EPS15: variants seen among roughly 807,000 people sequenced by gnomAD.
EPS15 encodes the protein epidermal growth factor receptor substrate 15.
EPS15 carries 72 observed loss-of-function variants against 113.8 expected under a neutral mutation model. The observed-to-expected ratio is 0.63, with a 90% CI of 0.52 to 0.77. EPS15 has a LOEUF of 0.77. Ranked by LOEUF, EPS15 falls within the 30% of genes least tolerant of loss-of-function variation. The probability of loss-of-function intolerance (pLI) is 0.00; values close to 1 mark genes in which losing one functional copy is unlikely to be tolerated. For missense variants in EPS15, 1,048 were observed against 1,045.8 expected, an observed-to-expected ratio of 1.00 and a Z score of -0.03; for synonymous variants, 344 against 363.4, an observed-to-expected ratio of 0.95 and a Z score of 0.61.
At chr1:51,450,721 T>G (rs923248884) in intron 8 of EPS15, among the ~76,000 whole-genome samples, 8 of 151,760 alleles carry the variant, frequency 5.3e-5, no homozygotes, top group Non-Finnish European at 1.2e-4. Flanking sequence ...CAATCCCACA[T>G]CTGGGAATCT....
chr1:51,434,926 C>T (rs939141502), intron 12 of EPS15, among the ~76,000 whole-genome samples: 38 of 152,098 alleles, frequency 2.5e-4, no homozygotes, highest in African/African-American at 8.5e-4. Context: ...CCCATCTCAG[C>T]CTCCCAAAGT....
rs779958506 is a variant in EPS15, at chr1:51,406,019, G to A, written c.1563C>T (p.Asn521=). 31 of 1,613,968 alleles carry A rather than the reference G, an allele frequency of 1.9e-5. 1 individual carries two copies. The highest frequency in any genetic ancestry group is 1.6e-4 in the Middle Eastern group (1 of 6,080). ...TGAGGCTGCAATAATCTGTAGCTCC[G>A]TTTACAAGAATGCTGTGTGGGCTAC... The part of the protein sequence containing the change: ...WCSSPHSILV[N]GATDYCSLST... Residue 521 remains asparagine, a synonymous_variant, in exon 16 of 25, where the codon AAC becomes AAT. Transcript: ENST00000371733.
intron 13 of EPS15, among the ~76,000 whole-genome samples, chr1:51,412,003 C>T (rs984093416): frequency 6.6e-6 from 1 of 152,154 alleles, no homozygotes; most frequent in African/African-American, 2.4e-5. Flanking sequence ...GTGGCACATA[C>T]ATCCCATGGA....
In EPS15 at chr1:51,355,469, G is replaced by A. The variant is rs1646198578; in HGVS notation, c.*1231C>T. 1.5e-5 allele frequency: 3 copies of A among 195,056 alleles called. No individual in the cohort carries two copies. The highest frequency in any genetic ancestry group is 2.1e-5 in the Non-Finnish European group (2 of 93,902). 12.1% of individuals were successfully genotyped at this position (195,056 alleles called of 1,614,324 possible). On this transcript the variant is annotated 3_prime_UTR_variant, in exon 25 of 25. Transcript: ENST00000371733. The stretch of plus-strand genomic sequence containing the variant: ...TATTTCAAATTCAGCTTGTCCACTA[G>A]GTCAGTTTTACAGGAGATGGTCTTT...
intron 23 of EPS15, among the ~76,000 whole-genome samples, chr1:51,362,485 A>T (rs1465198386): frequency 6.6e-6 from 1 of 152,210 alleles, no homozygotes; most frequent in Non-Finnish European, 1.5e-5. Context: ...CTTAAGATTT[A>T]AAAAAACAAC....
At chr1:51,386,590 A>G (rs1388801249) in intron 21 of EPS15, among the ~76,000 whole-genome samples, 1 of 152,178 alleles carries the variant, frequency 6.6e-6, no homozygotes, top group Non-Finnish European at 1.5e-5. Context: ...GAAAACTAAC[A>G]AACAGAAAGG....
At chr1:51,424,539 A>G (rs1213536860) in intron 12 of EPS15, among the ~76,000 whole-genome samples, 1 of 152,220 alleles carries the variant, frequency 6.6e-6, no homozygotes, top group African/African-American at 2.4e-5. Flanking sequence ...AAGAAGTAAT[A>G]TTTATATGCA....
Position 51,363,866 on chromosome 1 carries a change from C to T in EPS15, c.2359G>A (p.Gly787Arg), listed in dbSNP as rs1646444566. Residue 787 changes from glycine (G) to arginine (R), a missense_variant and splice_region_variant, in exon 23 of 25, where the codon GGG (glycine) becomes AGG (arginine). By Grantham distance (125) the Gly-to-Arg change is moderately radical. Coordinates refer to ENST00000371733, the MANE Select transcript of EPS15 (RefSeq NM_001981.3). Reference sequence around the variant, plus strand: ...TGAAGAAAAGTACCAACTCTCATACCAGGTGGTAGAGGGCAGGGTCTTGTT... The same window carrying T: ...TGAAGAAAAGTACCAACTCTCATACTAGGTGGTAGAGGGCAGGGTCTTGTT... ...TPTRPCPLPP[G>R]KRSINKLDSP... The T allele has an allele frequency of 6.2e-7, 1 of 1,607,880 alleles. No homozygotes were observed.
At chr1:51,490,543 C>A (rs1378692449) in intron 1 of EPS15, among the ~76,000 whole-genome samples, 2 of 113,270 alleles carry the variant, frequency 1.8e-5, no homozygotes, top group African/African-American at 7.0e-5. Context: ...CCCGCCTGGG[C>A]AACAGTGCGA....
At chr1:51,517,362 T>C (rs749688533) in intron 1 of EPS15, among the ~76,000 whole-genome samples, 4 of 152,154 alleles carry the variant, frequency 2.6e-5, no homozygotes, top group African/African-American at 9.7e-5. Context: ...CAAGAACATA[T>C]GTAAATTTTT....
At chr1:51,468,364 G>C in intron 5 of EPS15, 109 bp downstream of exon 5, 1 of 825,300 alleles carries the variant, frequency 1.2e-6, no homozygotes, top group Non-Finnish European at 2.0e-6. Context: ...GTAGCTGAGT[G>C]AAAGGGCCAA....
chr1:51,458,878 C>A (rs1291412977), intron 8 of EPS15: 2 of 176,164 alleles, frequency 1.1e-5, no homozygotes, highest in South Asian at 8.9e-5. Context: ...CAAAGTATAT[C>A]ATCACCGAAA....
intron 12 of EPS15, among the ~76,000 whole-genome samples, chr1:51,430,987 C>T (rs919064892): frequency 7.5e-6 from 1 of 132,726 alleles, no homozygotes. Flanking sequence ...TACACACACA[C>T]ACACACACAC....
rs767229894 is a variant in EPS15, at chr1:51,445,065, G to A, written c.798-20C>T. On this transcript the variant is annotated intron_variant, in intron 10 of 24. Coordinates refer to ENST00000371733, the MANE Select transcript of EPS15 (RefSeq NM_001981.3). ...AATGACCTGCACAAATAAACAAAATGAATGGTATGTAAGTGCCACAACTGC... is the reference window on the plus strand; with the variant it reads ...AATGACCTGCACAAATAAACAAAATAAATGGTATGTAAGTGCCACAACTGC... The A allele has an allele frequency of 6.2e-7, 1 of 1,607,392 alleles. No individual in the cohort carries two copies. The highest frequency in any genetic ancestry group is 1.1e-5 in the South Asian group (1 of 90,234).
intron 18 of EPS15, among the ~76,000 whole-genome samples, chr1:51,401,575 G>T (rs1180052490): frequency 6.6e-6 from 1 of 152,166 alleles, no homozygotes; most frequent in Non-Finnish European, 1.5e-5. Context: ...TTTCTTAGAT[G>T]ACACCAAAAG....
intron 1 of EPS15, among the ~76,000 whole-genome samples, chr1:51,507,122 T>C (rs1011566250): frequency 1.3e-5 from 2 of 152,174 alleles, no homozygotes; most frequent in African/African-American, 2.4e-5. Context: ...ATTCACTCAT[T>C]TGATTTCAAA....
At chr1:51,391,932 C>T (rs985415997) in intron 21 of EPS15, among the ~76,000 whole-genome samples, 28 of 151,982 alleles carry the variant, frequency 1.8e-4, no homozygotes, top group African/African-American at 6.5e-4. Context: ...AGTGGAGATG[C>T]CAAATAAATA....
intron 1 of EPS15, among the ~76,000 whole-genome samples, chr1:51,492,348 C>T (rs901544457): frequency 2.6e-5 from 4 of 152,076 alleles, no homozygotes; most frequent in African/African-American, 9.7e-5. Context: ...ATTGACTTAG[C>T]AGGCAAAGAC....
At chr1:51,502,343 A>T (rs144913404) in intron 1 of EPS15, among the ~76,000 whole-genome samples, 12 of 151,272 alleles carry the variant, frequency 7.9e-5, no homozygotes, top group Admixed American at 2.6e-4. Context: ...AAATACTTTT[A>T]AAAAAACCCT....
Sources: gnomAD v4.1 joint callset for allele counts (sites outside exome capture counted in the v4.1 genomes callset) on GRCh38, gnomAD v4.1.1 for gene constraint, MANE v1.5 for transcripts, NCBI Gene and HGNC (gene_info 2026-07-23, HGNC 2026-07-21) for gene names.